Variants in TMCO5A observed in about 807,000 individuals in gnomAD.
TMCO5A encodes the protein transmembrane and coiled-coil domain-containing protein 5A.
In TMCO5A, 34 loss-of-function variants were observed where a neutral mutation model predicts 42.3. That is an observed-to-expected ratio of 0.80 (90% CI 0.61 to 1.07). The LOEUF (loss-of-function observed/expected upper bound fraction) is 1.07. TMCO5A is among the 50% of genes least tolerant of loss of function. TMCO5A has a pLI of 0.00. For synonymous variants in TMCO5A, 131 were observed against 115.6 expected (o/e 1.13, Z -0.86); for missense variants, 357 against 327.9 (o/e 1.09, Z -0.69).
chr15:37,993,208 C>A, the TMCO5A span, among the ~76,000 whole-genome samples: 1 of 151,750 alleles, frequency 6.6e-6, no homozygotes, highest in African/African-American at 2.4e-5. Context: ...GCAAGTTCAC[C>A]ATCTGGATTT....
At chr15:37,984,357 T>C in the TMCO5A span, among the ~76,000 whole-genome samples, 1 of 152,168 alleles carries the variant, frequency 6.6e-6, no homozygotes, top group South Asian at 2.1e-4. Flanking sequence ...AACAATGTCA[T>C]GAGACTCTGA....
Position 37,937,363 on chromosome 15 carries a change from G to T in TMCO5A, c.282G>T (p.Thr94=). ...ETARLERKNK[T]LVHSITELQQ... is the part of the protein sequence containing the mutation. ...TCTCACAGGAAAGGAAGAATAAGAC[G>T]TTGGTCCACAGTATAACAGAACTTC... Residue 94 remains threonine, a synonymous_variant, in exon 5 of 12, where the codon ACG becomes ACT. Transcript: ENST00000319669. 6.2e-7 allele frequency: 1 copy of T among 1,613,084 alleles called. No homozygotes were observed. Among genetic ancestry groups the T allele is most frequent in the Non-Finnish European group, 8.5e-7 (1 of 1,179,358 alleles).
At chr15:38,030,040 A>G in the TMCO5A span, among the ~76,000 whole-genome samples, 2 of 152,114 alleles carry the variant, frequency 1.3e-5, no homozygotes, top group African/African-American at 4.8e-5. Flanking sequence ...AAATATTCAT[A>G]AGTCTGAGGA....
chr15:37,959,915 T>C (rs1466779853), intron 11 of TMCO5A, among the ~76,000 whole-genome samples: 1 of 151,940 alleles, frequency 6.6e-6, no homozygotes, highest in African/African-American at 2.4e-5. Context: ...ATATTATATT[T>C]GGGAAAAAAA....
At chr15:38,039,579 A>G in the TMCO5A span, among the ~76,000 whole-genome samples, 1 of 152,078 alleles carries the variant, frequency 6.6e-6, no homozygotes, top group Admixed American at 6.5e-5. Flanking sequence ...TGCCATCCCT[A>G]TTTTCTCATT....
At chr15:38,003,221 AGT>A in the TMCO5A span, among the ~76,000 whole-genome samples, 124 of 32,052 alleles carry the variant, frequency 3.9e-3, no homozygotes, top group Non-Finnish European at 6.4e-3. Flanking sequence ...TCCCAAACAG[AGT>A]CTCTCTCTCT....
At chr15:37,947,796 G>GTGTGTGTA in intron 11 of TMCO5A, 100 bp downstream of exon 11, 2 of 731,080 alleles carry the variant, frequency 2.7e-6, no homozygotes, top group African/African-American at 1.8e-5. Flanking sequence ...CCTTGTATAT[G>GTGTGTGTA]CGTGTGCACA....
At chr15:37,945,454 G>C (rs1889912605) in intron 10 of TMCO5A, among the ~76,000 whole-genome samples, 1 of 152,088 alleles carries the variant, frequency 6.6e-6, no homozygotes, top group South Asian at 2.1e-4. Context: ...TTGCCACACT[G>C]TCTTCCACAA....
intron 11 of TMCO5A, among the ~76,000 whole-genome samples, chr15:37,965,645 G>C (rs768508520): frequency 2.6e-5 from 4 of 152,104 alleles, no homozygotes; most frequent in African/African-American, 4.8e-5. Flanking sequence ...ATGGCAAACA[G>C]GCATGTGAAA....
chr15:37,946,543 G>T (rs569306492), intron 10 of TMCO5A, among the ~76,000 whole-genome samples: 90 of 152,074 alleles, frequency 5.9e-4, no homozygotes, highest in African/African-American at 2.1e-3. Context: ...TTCTTTCAGC[G>T]ATGGTTTGTA....
the TMCO5A span, among the ~76,000 whole-genome samples, chr15:37,977,420 C>T: frequency 1.1e-4 from 16 of 152,274 alleles, no homozygotes; most frequent in East Asian, 2.9e-3. Flanking sequence ...GCTGAGGCTT[C>T]GTGCAGGGTC....
chr15:37,972,406 G>A (rs925680897), downstream of TMCO5A, among the ~76,000 whole-genome samples: 1 of 152,142 alleles, frequency 6.6e-6, no homozygotes, highest in Non-Finnish European at 1.5e-5. Context: ...CACCAACAAT[G>A]TATACGCATT....
downstream of TMCO5A, among the ~76,000 whole-genome samples, chr15:37,953,411 T>A (rs534533954): frequency 6.6e-6 from 1 of 152,200 alleles, no homozygotes; most frequent in Admixed American, 6.5e-5. Flanking sequence ...GGAAAGAGAA[T>A]ACGAACCTTT....
chr15:38,003,450 A>C, the TMCO5A span, among the ~76,000 whole-genome samples: 6 of 152,098 alleles, frequency 3.9e-5, no homozygotes, highest in African/African-American at 1.4e-4. Flanking sequence ...TGGTAAATCT[A>C]GCCAAGCTCA....
chr15:38,009,743 C>G, the TMCO5A span, among the ~76,000 whole-genome samples: 5 of 152,134 alleles, frequency 3.3e-5, 1 homozygote, highest in Admixed American at 1.3e-4. Flanking sequence ...AGCTGTGTGA[C>G]CTGAGTCAAG....
the TMCO5A span, among the ~76,000 whole-genome samples, chr15:38,016,100 T>C: frequency 1.3e-5 from 2 of 152,148 alleles, no homozygotes; most frequent in African/African-American, 4.8e-5. Context: ...TCATCAGTTG[T>C]AACAAATGCA....
chr15:37,945,197 G>A (rs1267264021), intron 10 of TMCO5A, among the ~76,000 whole-genome samples: 2 of 152,036 alleles, frequency 1.3e-5, no homozygotes, highest in African/African-American at 4.8e-5. Context: ...CCCTGCAAAG[G>A]ACATGATATC....
At chr15:38,031,971 T>C in the TMCO5A span, among the ~76,000 whole-genome samples, 6 of 152,108 alleles carry the variant, frequency 3.9e-5, no homozygotes, top group Admixed American at 6.5e-5. Flanking sequence ...TTTTTTTTTT[T>C]TTAGATGGAA....
At chr15:37,963,299 C>G (rs1890478651) in intron 11 of TMCO5A, among the ~76,000 whole-genome samples, 1 of 152,030 alleles carries the variant, frequency 6.6e-6, no homozygotes, top group Admixed American at 6.6e-5. Context: ...ATCTTCATTT[C>G]ATTTTTGACC....
Sources: gnomAD v4.1 joint callset for allele counts (sites outside exome capture counted in the v4.1 genomes callset) on GRCh38, gnomAD v4.1.1 for gene constraint, MANE v1.5 for transcripts, NCBI Gene and HGNC (gene_info 2026-07-23, HGNC 2026-07-21) for gene names.